TMEM232: variants seen among roughly 807,000 people sequenced by gnomAD.
The protein encoded by TMEM232 is transmembrane protein 232.
Under a neutral mutation model 78.8 loss-of-function variants are expected in TMEM232, and 80 were observed. The observed-to-expected ratio is 1.01, with a 90% CI of 0.85 to 1.22. The LOEUF (loss-of-function observed/expected upper bound fraction) is 1.22, where lower values mean the gene tolerates loss of function less well. TMEM232 is among the 50% of genes most tolerant of loss of function. TMEM232 has a pLI of 0.00. For synonymous variants in TMEM232, 297 were observed against 254.3 expected, an observed-to-expected ratio of 1.17 and a Z score of -1.60; for missense variants, 881 against 742.2, an observed-to-expected ratio of 1.19 and a Z score of -2.17.
intron 11 of TMEM232, among the ~76,000 whole-genome samples, chr5:110,567,768 G>T (rs1776507984): frequency 6.6e-6 from 1 of 151,914 alleles, no homozygotes; most frequent in African/African-American, 2.4e-5. Context: ...CCAGTGTCAT[G>T]ATATGGCTGT....
intron 1 of TMEM232, among the ~76,000 whole-genome samples, chr5:110,736,331 A>G (rs934094685): frequency 2.6e-5 from 4 of 152,224 alleles, no homozygotes; most frequent in Admixed American, 6.5e-5. Context: ...GTGTCTGCCC[A>G]TAACCAAATT....
At chr5:110,417,638 T>G (rs542346251), downstream of TMEM232, 747 of 118,540 alleles carry the variant, frequency 6.3e-3, 7 homozygotes, top group African/African-American at 0.033. Context: ...TTTTTTTTTT[T>G]GTCCGGGGTA....
chr5:110,660,712 G>A (rs942776603), intron 2 of TMEM232, among the ~76,000 whole-genome samples: 11 of 151,676 alleles, frequency 7.3e-5, no homozygotes, highest in Admixed American at 6.6e-5. Flanking sequence ...TGGATACATA[G>A]ATAGTTGTAC....
downstream of TMEM232, among the ~76,000 whole-genome samples, chr5:110,415,442 C>T (rs1340994740): frequency 6.6e-6 from 1 of 151,834 alleles, no homozygotes; most frequent in African/African-American, 2.4e-5. Context: ...CCACGTTGGC[C>T]TCCCCAAGTG....
At chr5:110,702,822 CT>C (rs543081309) in intron 1 of TMEM232, among the ~76,000 whole-genome samples, 56 of 152,114 alleles carry the variant, frequency 3.7e-4, no homozygotes, top group Admixed American at 6.6e-4. Context: ...ACATAGTTAG[CT>C]TAGTTAACAG....
intron 7 of TMEM232, among the ~76,000 whole-genome samples, chr5:110,621,375 A>G (rs1398315472): frequency 2.6e-5 from 4 of 152,240 alleles, no homozygotes; most frequent in South Asian, 4.1e-4. Flanking sequence ...TGGTTGGCAG[A>G]TAACTGCCAT....
In TMEM232 at chr5:110,580,678, C is replaced by G. The variant is rs1486971945; in HGVS notation, c.1277-12053G>C. ...GAAGAAACAGCCAACTTGCACAATA[C>G]TAAAGACTAAATAGACCTAAAAGGC... is the stretch of plus-strand genomic sequence containing the variant. On this transcript the variant is annotated intron_variant, in intron 10 of 13. Transcript: ENST00000455884. Among the ~76,000 whole-genome samples the G allele has an allele frequency of 1.1e-4, 17 of 151,324 alleles. No individual in the cohort carries two copies. In the Admixed American group the frequency reaches 1.1e-3, roughly 10 times the overall value.
intron 12 of TMEM232, among the ~76,000 whole-genome samples, chr5:110,460,904 G>A (rs896572406): frequency 1.4e-4 from 21 of 151,998 alleles, no homozygotes; most frequent in African/African-American, 4.8e-4. Flanking sequence ...TATAGAAGAT[G>A]GCAAACTCAG....
rs192073352 is a variant in TMEM232, at chr5:110,508,516, C to A, written c.1703+20072G>T. On this transcript the variant is annotated intron_variant, in intron 12 of 13. Coordinates refer to ENST00000455884, the MANE Select transcript of TMEM232 (RefSeq NM_001039763.4). Reference sequence around the variant, plus strand: ...AATTTTTAGACAGTCATGGTGTCTCCACTTCTCCTGACTAGTACCTTCCTC... The same window carrying A: ...AATTTTTAGACAGTCATGGTGTCTCAACTTCTCCTGACTAGTACCTTCCTC... 1.3e-3 allele frequency among the ~76,000 whole-genome samples: 201 copies of A among 151,270 alleles called. 1 individual carries two copies. The highest frequency in any genetic ancestry group is 4.5e-3 in the African/African-American group (186 of 41,300).
At chr5:110,525,430 A>T (rs1377470403) in intron 12 of TMEM232, among the ~76,000 whole-genome samples, 1 of 151,946 alleles carries the variant, frequency 6.6e-6, no homozygotes, top group South Asian at 2.1e-4. Flanking sequence ...CTACATTTGG[A>T]GCAAAAATTA....
At chr5:110,652,409 TATGTC>T (rs1788466305) in intron 2 of TMEM232, among the ~76,000 whole-genome samples, 1 of 152,156 alleles carries the variant, frequency 6.6e-6, no homozygotes. Flanking sequence ...AAAACATAGT[TATGTC>T]ATTTTATTTC....
chr5:110,424,778 A>C, intron 13 of TMEM232, 45 bp downstream of exon 13: 1 of 1,408,854 alleles, frequency 7.1e-7, no homozygotes, highest in South Asian at 1.3e-5. Context: ...AAGTGCTTTT[A>C]AGGAACAAAG....
chr5:110,692,663 T>A (rs370836501), intron 1 of TMEM232, among the ~76,000 whole-genome samples: 3 of 152,188 alleles, frequency 2.0e-5, no homozygotes, highest in African/African-American at 7.2e-5. Context: ...ATCTCACACC[T>A]GGCGCAGAGG....
intron 12 of TMEM232, among the ~76,000 whole-genome samples, chr5:110,429,222 C>G (rs942750752): frequency 1.3e-5 from 2 of 151,668 alleles, no homozygotes; most frequent in African/African-American, 4.8e-5. Context: ...GGGGAGCTGG[C>G]ATCATTTAAC....
Position 110,642,268 on chromosome 5 carries a change from TGAGAATG to T in TMEM232, c.222_228del (p.Ile75AspfsTer26). On this transcript the variant is annotated frameshift_variant, in exon 3 of 14. Transcript: ENST00000455884. LOFTEE classifies it high-confidence loss of function. ...AAATGATATGCCATTACCTTACATC[TGAGAATG>T]ATTTTTCTAGCTAGTTCCAACAATT... 6.5e-7 allele frequency: 1 copy of T among 1,534,412 alleles called. No individual in the cohort carries two copies.
intron 11 of TMEM232, among the ~76,000 whole-genome samples, chr5:110,545,729 C>G (rs1185240676): frequency 6.6e-6 from 1 of 152,010 alleles, no homozygotes; most frequent in Non-Finnish European, 1.5e-5. Context: ...AAAATGTTAA[C>G]CACAAAGTGC....
intron 7 of TMEM232, among the ~76,000 whole-genome samples, chr5:110,622,461 G>A (rs909752489): frequency 3.5e-4 from 54 of 152,216 alleles, no homozygotes; most frequent in African/African-American, 1.2e-3. Flanking sequence ...TTGTTCTTGC[G>A]ATAGTTTACT....
chr5:110,573,371 G>A (rs960733025), intron 10 of TMEM232, among the ~76,000 whole-genome samples: 2 of 152,046 alleles, frequency 1.3e-5, no homozygotes, highest in African/African-American at 4.8e-5. Flanking sequence ...TAATTCAAAT[G>A]TAGAATGTGG....
chr5:110,489,442 T>G (rs1253889407), intron 12 of TMEM232, among the ~76,000 whole-genome samples: 1 of 151,984 alleles, frequency 6.6e-6, no homozygotes, highest in Non-Finnish European at 1.5e-5. Flanking sequence ...AAAAAGCATT[T>G]GACAAAATCA....
Sources: allele counts gnomAD v4.1 joint callset (sites outside exome capture counted in the v4.1 genomes callset), GRCh38; gene constraint gnomAD v4.1.1; transcripts MANE v1.5; gene names NCBI Gene and HGNC (gene_info 2026-07-23, HGNC 2026-07-21).